Variants in GFRA2 observed in about 807,000 individuals in gnomAD.
GFRA2 encodes the protein GDNF family receptor alpha-2.
Under a neutral mutation model 48.3 loss-of-function variants are expected in GFRA2, and 17 were observed. The ratio of observed to expected loss-of-function variants is 0.35; its 90% CI spans 0.24 to 0.53. GFRA2 has a LOEUF of 0.53. Among genes scored for constraint, GFRA2 ranks in the 20% least tolerant of loss-of-function variants. The probability of loss-of-function intolerance (pLI) is 0.93; values close to 1 mark genes in which losing one functional copy is unlikely to be tolerated. For synonymous variants in GFRA2, 305 were observed against 257.2 expected (o/e 1.19, Z -1.78); for missense variants, 660 against 637.3 (o/e 1.04, Z -0.38).
intron 1 of GFRA2, among the ~76,000 whole-genome samples, chr8:21,807,453 A>G (rs765409856): frequency 6.6e-6 from 1 of 152,238 alleles, no homozygotes; most frequent in Non-Finnish European, 1.5e-5. Context: ...GGTCTGCGGT[A>G]TTCTGTTATA....
At chr8:21,747,756 CCACACACACACACACACACACACA>C (rs61578379) in intron 4 of GFRA2, among the ~76,000 whole-genome samples, 4 of 139,158 alleles carry the variant, frequency 2.9e-5, no homozygotes, top group East Asian at 2.2e-4. Flanking sequence ...CCATCTTCCA[CCACACACACACACACACACACACA>C]CACACACACA....
intron 4 of GFRA2, among the ~76,000 whole-genome samples, chr8:21,730,093 C>A (rs533360351): frequency 1.3e-5 from 2 of 151,940 alleles, no homozygotes; most frequent in Non-Finnish European, 2.9e-5. Flanking sequence ...TGTTACGGCA[C>A]GAGAAGGGAC....
intron 4 of GFRA2, among the ~76,000 whole-genome samples, chr8:21,740,657 C>G (rs1804706031): frequency 6.6e-6 from 1 of 152,226 alleles, no homozygotes; most frequent in East Asian, 1.9e-4. Context: ...TAGGAGAATC[C>G]TACCCATTCC....
intron 3 of GFRA2, among the ~76,000 whole-genome samples, chr8:21,771,999 C>G (rs1806460021): frequency 6.6e-6 from 1 of 152,168 alleles, no homozygotes; most frequent in African/African-American, 2.4e-5. Context: ...GTGCGACACA[C>G]AGGTGGGGGA....
chr8:21,721,526 G>A (rs1803593896), intron 4 of GFRA2, among the ~76,000 whole-genome samples: 1 of 152,144 alleles, frequency 6.6e-6, no homozygotes, highest in South Asian at 2.1e-4. Context: ...GGAGGATTTG[G>A]GTCAAAACGC....
chr8:21,771,234 T>C (rs1806423829), intron 3 of GFRA2, among the ~76,000 whole-genome samples: 1 of 152,184 alleles, frequency 6.6e-6, no homozygotes, highest in East Asian at 1.9e-4. Context: ...AGTCAGGATT[T>C]GAACCCAGGA....
chr8:21,705,645 G>A (rs1171365289), intron 5 of GFRA2, among the ~76,000 whole-genome samples: 1 of 152,236 alleles, frequency 6.6e-6, no homozygotes, highest in African/African-American at 2.4e-5. Context: ...TCAGTGCAGA[G>A]CCTGGAATGT....
intron 7 of GFRA2, among the ~76,000 whole-genome samples, chr8:21,694,918 A>G (rs1802081301): frequency 6.6e-6 from 1 of 152,234 alleles, no homozygotes; most frequent in Non-Finnish European, 1.5e-5. Context: ...GCATCCATGA[A>G]TGAATGAATG....
intron 4 of GFRA2, among the ~76,000 whole-genome samples, chr8:21,721,636 T>C (rs1385432941): frequency 1.3e-5 from 2 of 152,156 alleles, no homozygotes; most frequent in African/African-American, 2.4e-5. Context: ...CTCTGAAAAA[T>C]AGAATTGGCT....
At chr8:21,771,330 A>G (rs1346225646) in intron 3 of GFRA2, among the ~76,000 whole-genome samples, 1 of 152,236 alleles carries the variant, frequency 6.6e-6, no homozygotes, top group African/African-American at 2.4e-5. Flanking sequence ...TGCTAGAAAC[A>G]GGACAAAACT....
intron 2 of GFRA2, among the ~76,000 whole-genome samples, chr8:21,777,158 G>A (rs902496613): frequency 2.6e-5 from 4 of 152,184 alleles, no homozygotes; most frequent in Admixed American, 1.3e-4. Context: ...GCTAACAAGC[G>A]ACAGAGCCAG....
chr8:21,739,548 G>A lies in GFRA2; in HGVS notation c.794+11040C>T, dbSNP rs560883817. On this transcript the variant is annotated intron_variant, in intron 4 of 8. Coordinates refer to ENST00000524240, the MANE Select transcript of GFRA2 (RefSeq NM_001495.5). ...GAGATAACAGGGCTACCTGCATGAG[G>A]CCTCTGAGTCTTCCATGAGAGACCC... 5.3e-5 allele frequency among the ~76,000 whole-genome samples: 8 copies of A among 152,268 alleles called. No homozygotes were observed. The South Asian group carries it at 1.7e-3, about 32-fold the overall frequency.
At chr8:21,714,429 T>A (rs1691146173) in intron 4 of GFRA2, among the ~76,000 whole-genome samples, 1 of 151,824 alleles carries the variant, frequency 6.6e-6, no homozygotes, top group South Asian at 2.1e-4. Context: ...TTTTTGTATT[T>A]TTAGTAGAGA....
intron 4 of GFRA2, among the ~76,000 whole-genome samples, chr8:21,715,529 T>C (rs145728372): frequency 0.028 from 4,236 of 152,240 alleles, 95 homozygotes; most frequent in Admixed American, 0.055. Context: ...GGCTGGTCTC[T>C]AACTTCTGAC....
chr8:21,707,470 C>T lies in GFRA2; in HGVS notation c.795-1429G>A, dbSNP rs548242319. ...TGAGGGGGCCCCCACCATGCAGACACGGGCTGAGTATGTCCCACCACTGGA... is the reference window on the plus strand; with the variant it reads ...TGAGGGGGCCCCCACCATGCAGACATGGGCTGAGTATGTCCCACCACTGGA... On this transcript the variant is annotated intron_variant, in intron 4 of 8. Transcript: ENST00000524240. Among the ~76,000 whole-genome samples, 10 of 152,282 alleles carry T rather than the reference C, an allele frequency of 6.6e-5. No individual in the cohort carries two copies. The South Asian group carries it at 1.5e-3, about 22-fold the overall frequency.
At chr8:21,735,248 C>T (rs572129316) in intron 4 of GFRA2, among the ~76,000 whole-genome samples, 7 of 152,264 alleles carry the variant, frequency 4.6e-5, no homozygotes, top group South Asian at 2.1e-4. Flanking sequence ...TCTTGCATCC[C>T]ATGGAGTCCA....
At chr8:21,733,291 C>T (rs564737650) in intron 4 of GFRA2, among the ~76,000 whole-genome samples, 33 of 152,294 alleles carry the variant, frequency 2.2e-4, no homozygotes, top group African/African-American at 7.0e-4. Context: ...CCCAAGCTCC[C>T]TGAAGATCAT....
In GFRA2 at chr8:21,690,582, A is replaced by G. The variant is rs2117294198; in HGVS notation, c.*2696T>C. ...AGCTAGTATCCACTCCTCCTTCATA[A>G]TGGCACCTCAGTTTCCTCTTGGGAA... On this transcript the variant is annotated 3_prime_UTR_variant, in exon 9 of 9. Transcript: ENST00000524240. 6.6e-6 allele frequency: 1 copy of G among 152,312 alleles called. No individual in the cohort carries two copies. The highest frequency in any genetic ancestry group is 2.1e-4 in the South Asian group (1 of 4,828). 9.4% of individuals were successfully genotyped at this position (152,312 alleles called of 1,614,324 possible). A position where few individuals can be genotyped will look rare whatever the true frequency, so the allele number is the denominator to read the frequency against.
chr8:21,738,190 C>A (rs1178487799), intron 4 of GFRA2, among the ~76,000 whole-genome samples: 2 of 78,272 alleles, frequency 2.6e-5, no homozygotes, highest in African/African-American at 8.6e-5. Context: ...GTTCCTCCTC[C>A]TCCCCCTCCT....
Sources: allele counts gnomAD v4.1 joint callset (sites outside exome capture counted in the v4.1 genomes callset), GRCh38; gene constraint gnomAD v4.1.1; transcripts MANE v1.5; gene names NCBI Gene and HGNC (gene_info 2026-07-23, HGNC 2026-07-21).